The following AGAP1 variants were observed in gnomAD, a reference collection of about 807,000 sequenced individuals.
AGAP1 encodes ArfGAP with GTPase domain, ankyrin repeat and PH domain 1, also known as arf-GAP with GTPase, ANK repeat and PH domain-containing protein 1.
AGAP1 carries 29 observed loss-of-function variants against 105.3 expected under a neutral mutation model. The ratio of observed to expected loss-of-function variants is 0.28; its 90% CI spans 0.21 to 0.38. The LOEUF (loss-of-function observed/expected upper bound fraction) is 0.38. Among genes scored for constraint, AGAP1 ranks in the 10% least tolerant of loss-of-function variants. The probability of loss-of-function intolerance (pLI) is 1.00; values close to 1 mark genes in which losing one functional copy is unlikely to be tolerated. For synonymous variants in AGAP1, 509 were observed against 485.9 expected (o/e 1.05, Z -0.63); for missense variants, 998 against 1,165.1 (o/e 0.86, Z 2.09).
At chr2:235,505,552 C>T (rs1351614131) in intron 1 of AGAP1, among the ~76,000 whole-genome samples, 2 of 152,122 alleles carry the variant, frequency 1.3e-5, no homozygotes, top group African/African-American at 2.4e-5. Context: ...CTGGGCAGAG[C>T]GCAGTTTTTG....
chr2:235,696,088 C>G (rs1043904633), intron 1 of AGAP1, among the ~76,000 whole-genome samples: 2 of 152,164 alleles, frequency 1.3e-5, no homozygotes, highest in Admixed American at 6.5e-5. Flanking sequence ...CTGTGTTGCC[C>G]AGGCTGGAGT....
intron 16 of AGAP1, among the ~76,000 whole-genome samples, chr2:236,079,601 C>T (rs1275351547): frequency 6.6e-6 from 1 of 151,566 alleles, no homozygotes; most frequent in Non-Finnish European, 1.5e-5. Context: ...CATATACATA[C>T]ATACATATAT....
rs1281284749 is a variant in AGAP1 at position 235,960,745 on chromosome 2, G to A, written c.1484-7717G>A. Among the ~76,000 whole-genome samples, 4 of 152,320 alleles carry A rather than the reference G, an allele frequency of 2.6e-5. No homozygotes were observed. The highest frequency in any genetic ancestry group is 2.1e-4 in the South Asian group (1 of 4,826). ...GTCTTGCCCTTTATTCTCTGACAGC[G>A]GCCAGCTCCTAGGGCACGCTTGGTG... On this transcript the variant is annotated intron_variant, in intron 12 of 17. Coordinates refer to ENST00000304032, the MANE Select transcript of AGAP1 (RefSeq NM_001037131.3). This position sits in a 1 kb window ranked among gnomAD's most constrained non-coding sequence, Gnocchi z 4.9.
At chr2:235,985,682 G>T (rs147319783) in intron 13 of AGAP1, among the ~76,000 whole-genome samples, 1 of 151,708 alleles carries the variant, frequency 6.6e-6, no homozygotes, top group Admixed American at 6.6e-5. Context: ...CCAGTTTTCC[G>T]CATATGACTA....
chr2:235,687,346 T>C (rs1421531731), intron 1 of AGAP1, among the ~76,000 whole-genome samples: 2 of 152,338 alleles, frequency 1.3e-5, no homozygotes, highest in African/African-American at 4.8e-5. Flanking sequence ...TCAGGTGTAA[T>C]GATTTCAGTT....
At chr2:236,052,851 T>G (rs2057944382) in intron 16 of AGAP1, among the ~76,000 whole-genome samples, 1 of 152,158 alleles carries the variant, frequency 6.6e-6, no homozygotes, top group African/African-American at 2.4e-5. Context: ...TAACTACATC[T>G]GGGGTAGCAT....
intron 6 of AGAP1, among the ~76,000 whole-genome samples, chr2:235,786,752 G>A (rs1450895853): frequency 2.0e-5 from 3 of 152,218 alleles, no homozygotes; most frequent in East Asian, 3.9e-4. Flanking sequence ...GTGACGAGAA[G>A]AGCACAGCTC....
chr2:235,629,042 C>T lies in AGAP1; in HGVS notation c.164-80137C>T, dbSNP rs1291634335. On this transcript the variant is annotated intron_variant, in intron 1 of 17. Coordinates refer to ENST00000304032, the MANE Select transcript of AGAP1 (RefSeq NM_001037131.3). ...GGCCAGGCTGGTCTCAAACTCCTGACCTCATGATCCAGCCGCCTTGGCCTC... is the reference window on the plus strand; with the variant it reads ...GGCCAGGCTGGTCTCAAACTCCTGATCTCATGATCCAGCCGCCTTGGCCTC... Among the ~76,000 whole-genome samples the T allele has an allele frequency of 3.9e-5, 6 of 152,222 alleles. No individual in the cohort carries two copies. In the East Asian group the frequency reaches 9.7e-4, roughly 25 times the overall value.
In AGAP1 at chr2:236,058,907, G is replaced by A. The variant is rs1006817341; in HGVS notation, c.2114+9626G>A. Among the ~76,000 whole-genome samples the A allele has an allele frequency of 9.2e-5, 14 of 152,166 alleles. No homozygotes were observed. The highest frequency in any genetic ancestry group is 2.1e-4 in the Non-Finnish European group (14 of 68,034). On this transcript the variant is annotated intron_variant, in intron 16 of 17. Transcript: ENST00000304032. This position sits in a 1 kb window ranked among gnomAD's most constrained non-coding sequence, Gnocchi z 4.6. The stretch of plus-strand genomic sequence containing the variant: ...TAGCTGGCCATGGTGGCACAGTTCT[G>A]TAGTCCCAGCTACTCAAGAGGCTCA...
At chr2:236,049,035 A>G in intron 15 of AGAP1, 24 bp from the exon 16 acceptor site, 2 of 1,600,152 alleles carry the variant, frequency 1.2e-6, no homozygotes, top group African/African-American at 1.3e-5. Context: ...GATTGCGTTT[A>G]GCGTTCTGTT....
chr2:235,694,789 T>C (rs1949920061), intron 1 of AGAP1, among the ~76,000 whole-genome samples: 1 of 152,124 alleles, frequency 6.6e-6, no homozygotes, highest in Non-Finnish European at 1.5e-5. Context: ...ATATGTGGGG[T>C]GCTCTTCTCC....
At position 235,777,645 on chromosome 2, in the gene AGAP1, C is replaced by T. The variant is rs1210284312; in HGVS notation, c.674-20114C>T. On this transcript the variant is annotated intron_variant, in intron 6 of 17. Coordinates refer to ENST00000304032, the MANE Select transcript of AGAP1 (RefSeq NM_001037131.3). This position sits in a 1 kb window ranked among gnomAD's most constrained non-coding sequence, Gnocchi z 5.1. Reference sequence around the variant, plus strand: ...AGAATCCGACGCTGGTCCTAAGTGCCTTCAGCTGTCACCTGAGCACGTTCA... The same window carrying T: ...AGAATCCGACGCTGGTCCTAAGTGCTTTCAGCTGTCACCTGAGCACGTTCA... Among the ~76,000 whole-genome samples the T allele has an allele frequency of 1.3e-5, 2 of 152,196 alleles. No homozygotes were observed. Among genetic ancestry groups the T allele is most frequent in the African/African-American group, 4.8e-5 (2 of 41,440 alleles).
At chr2:236,093,709 A>G (rs1402277601) in intron 16 of AGAP1, among the ~76,000 whole-genome samples, 12 of 152,184 alleles carry the variant, frequency 7.9e-5, no homozygotes, top group Admixed American at 7.9e-4. Flanking sequence ...ACCACATATC[A>G]GTGGCTGCCT....
Position 236,056,436 on chromosome 2 carries a change from A to G in AGAP1, c.2114+7155A>G, listed in dbSNP as rs1047521545. ...GAATTTTTACTGCCCCTGGCAGATG[A>G]GAAGGCAAGTCATCAGCAGGCAGCA... On this transcript the variant is annotated intron_variant, in intron 16 of 17. Transcript: ENST00000304032. This position sits in a 1 kb window ranked among gnomAD's most constrained non-coding sequence, Gnocchi z 4.6. 4.6e-5 allele frequency among the ~76,000 whole-genome samples: 7 copies of G among 152,190 alleles called. No individual in the cohort carries two copies. Among genetic ancestry groups the G allele is most frequent in the Admixed American group, 1.3e-4 (2 of 15,274 alleles).
chr2:236,041,633 C>A (rs3768954), intron 15 of AGAP1, among the ~76,000 whole-genome samples: 38,461 of 152,052 alleles, frequency 0.25, 5,939 homozygotes, highest in African/African-American at 0.43. Context: ...AATTTCTTCC[C>A]TTCAGATTTT....
At chr2:235,643,121 A>G (rs912059049) in intron 1 of AGAP1, among the ~76,000 whole-genome samples, 2 of 152,106 alleles carry the variant, frequency 1.3e-5, no homozygotes, top group African/African-American at 4.8e-5. Flanking sequence ...CTGGCTGTGC[A>G]TACATGGATT....
rs1206997230 is a variant in AGAP1, at chr2:235,753,102, G to T, written c.673+2614G>T. ...AGGCCCCACCTCTTATTCCCCTGGG[G>T]GTCAGGATTTCAGTATAAGAATTTG... On this transcript the variant is annotated intron_variant, in intron 6 of 17. Transcript: ENST00000304032. The surrounding 1 kb of genome is among the most constrained non-coding windows in gnomAD (Gnocchi z 4.5). Among the ~76,000 whole-genome samples the T allele has an allele frequency of 6.6e-6, 1 of 152,132 alleles. No individual in the cohort carries two copies. Among genetic ancestry groups the T allele is most frequent in the Non-Finnish European group, 1.5e-5 (1 of 68,030 alleles).
In AGAP1 at chr2:235,566,871, A is replaced by G. The variant is rs1053649996; in HGVS notation, c.163+72022A>G. ...TTCTGGAGGCCTGAAGCCCAGGATCAAGGTGTGCCCAGAGCTGTGCTCCCT... is the reference window on the plus strand; with the variant it reads ...TTCTGGAGGCCTGAAGCCCAGGATCGAGGTGTGCCCAGAGCTGTGCTCCCT... On this transcript the variant is annotated intron_variant, in intron 1 of 17. Transcript: ENST00000304032. This position sits in a 1 kb window ranked among gnomAD's most constrained non-coding sequence, Gnocchi z 5.2. 6.6e-6 allele frequency among the ~76,000 whole-genome samples: 1 copy of G among 152,228 alleles called. No homozygotes were observed. The highest frequency in any genetic ancestry group is 1.5e-5 in the Non-Finnish European group (1 of 68,038).
At chr2:236,017,934 C>G (rs1206967721) in intron 13 of AGAP1, among the ~76,000 whole-genome samples, 1 of 152,098 alleles carries the variant, frequency 6.6e-6, no homozygotes, top group Non-Finnish European at 1.5e-5. Flanking sequence ...GACTGTGGGA[C>G]CTGCTCACAG....
Sources: gnomAD v4.1 joint callset for allele counts (sites outside exome capture counted in the v4.1 genomes callset) on GRCh38, gnomAD v4.1.1 for gene constraint, Gnocchi (gnomAD v3.1) non-coding constraint, MANE v1.5 for transcripts, NCBI Gene and HGNC (gene_info 2026-07-23, HGNC 2026-07-21) for gene names.